Variants in THRB observed in about 807,000 individuals in gnomAD.
THRB encodes the protein thyroid hormone receptor beta.
Under a neutral mutation model 47.8 loss-of-function variants are expected in THRB, and 12 were observed. That is an observed-to-expected ratio of 0.25 (90% CI 0.16 to 0.41). The LOEUF is 0.41. THRB is among the 10% of genes least tolerant of loss of function. The pLI, the probability that THRB is intolerant of heterozygous loss-of-function variation, is 1.00. For missense variants in THRB, 348 were observed against 589.2 expected (o/e 0.59, Z 4.24); for synonymous variants, 218 against 212.2 (o/e 1.03, Z -0.24).
intron 1 of THRB, among the ~76,000 whole-genome samples, chr3:24,363,212 G>A (rs1431750096): frequency 3.3e-5 from 5 of 152,008 alleles, no homozygotes; most frequent in Non-Finnish European, 5.9e-5. Flanking sequence ...ATCTTAAATC[G>A]CCTAAGACAT....
chr3:24,402,093 G>A (rs912891997), intron 1 of THRB, among the ~76,000 whole-genome samples: 1 of 151,998 alleles, frequency 6.6e-6, no homozygotes, highest in Non-Finnish European at 1.5e-5. Flanking sequence ...CAGGTTTTTA[G>A]AAAACAGAGC....
chr3:24,237,447 C>T (rs192577783), intron 3 of THRB, among the ~76,000 whole-genome samples: 7 of 152,266 alleles, frequency 4.6e-5, no homozygotes, highest in Admixed American at 4.6e-4. Flanking sequence ...CCCACTCTCT[C>T]AACTCCAGTT....
chr3:24,474,006 T>C (rs1695086939), intron 1 of THRB, among the ~76,000 whole-genome samples: 1 of 152,104 alleles, frequency 6.6e-6, no homozygotes, highest in Non-Finnish European at 1.5e-5. Flanking sequence ...AAATACCTAA[T>C]GTAGATGACG....
Position 24,446,622 on chromosome 3 carries a change from G to A in THRB, c.-261+48030C>T, listed in dbSNP as rs114255654. Among the ~76,000 whole-genome samples, 1,360 of 151,524 alleles carry A rather than the reference G, an allele frequency of 9.0e-3. 24 individuals carry two copies. Among genetic ancestry groups the A allele is most frequent in the African/African-American group, 0.032 (1,302 of 41,276 alleles). On this transcript the variant is annotated intron_variant, in intron 1 of 10. Coordinates refer to ENST00000646209, the MANE Select transcript of THRB (RefSeq NM_001354712.2). ...TGAAAATTCCTGCAATGCCTACTGT[G>A]ACAGTGACATCAGAAGTCTATTTGT...
chr3:24,272,759 A>G (rs2053486777), intron 3 of THRB, among the ~76,000 whole-genome samples: 1 of 152,072 alleles, frequency 6.6e-6, no homozygotes, highest in Admixed American at 6.5e-5. Context: ...TTTTGTTGTG[A>G]CCATATAAAT....
chr3:24,399,611 G>C (rs796537923), intron 1 of THRB, among the ~76,000 whole-genome samples: 21 of 152,184 alleles, frequency 1.4e-4, no homozygotes, highest in African/African-American at 5.1e-4. Context: ...GCACGGGTCT[G>C]TGTAACCCTC....
intron 1 of THRB, among the ~76,000 whole-genome samples, chr3:24,407,792 CTT>C (rs917667242): frequency 1.3e-5 from 2 of 151,860 alleles, no homozygotes; most frequent in African/African-American, 4.8e-5. Context: ...TTACTTTTCT[CTT>C]TACTCTTGTC....
In THRB at chr3:24,123,060, C is replaced by A; in HGVS notation, c.1210G>T (p.Glu404Ter). 6.2e-7 allele frequency: 1 copy of A among 1,614,154 alleles called. No homozygotes were observed. Among genetic ancestry groups the A allele is most frequent in the South Asian group, 1.1e-5 (1 of 91,078 alleles). The part of the protein sequence containing the change: ...KYQDSFLLAF[E>*]HYINYRKHHV... ...TGTTTTCGGTAATTGATATAGTGTTCAAAGGCCAGCAGGAAACTATCTTGG... is the reference window on the plus strand; with the variant it reads ...TGTTTTCGGTAATTGATATAGTGTTAAAAGGCCAGCAGGAAACTATCTTGG... The change falls in exon 11 of 11, where the codon GAA (glutamate) becomes TAA (stop). Residue 404 changes from glutamate to a stop codon, truncating the protein, a stop_gained. Transcript: ENST00000646209. LOFTEE classifies it high-confidence loss of function.
Position 24,468,057 on chromosome 3 carries a change from A to G in THRB, c.-261+26595T>C, listed in dbSNP as rs538826098. ...CTGGATAATTTGCTGCAGTTTCCAC[A>G]TAGGCACTGGTGCTTCATCTTGTAC... On this transcript the variant is annotated intron_variant, in intron 1 of 10. Coordinates refer to ENST00000646209, the MANE Select transcript of THRB (RefSeq NM_001354712.2). 7.9e-5 allele frequency among the ~76,000 whole-genome samples: 12 copies of G among 152,322 alleles called. No individual in the cohort carries two copies. In the East Asian group the frequency reaches 2.3e-3, roughly 29 times the overall value.
intron 5 of THRB, among the ~76,000 whole-genome samples, chr3:24,181,601 G>C (rs1054958298): frequency 5.3e-5 from 8 of 152,188 alleles, no homozygotes; most frequent in Non-Finnish European, 1.2e-4. Context: ...CTCAGGGTCA[G>C]CCCTTGACAA....
intron 4 of THRB, among the ~76,000 whole-genome samples, chr3:24,217,370 C>T (rs572368416): frequency 5.3e-5 from 8 of 152,044 alleles, no homozygotes; most frequent in African/African-American, 9.6e-5. Flanking sequence ...ATCTGTATAG[C>T]GTGGGAACAT....
At chr3:24,214,670 A>T (rs569235816) in intron 4 of THRB, among the ~76,000 whole-genome samples, 8 of 152,120 alleles carry the variant, frequency 5.3e-5, no homozygotes, top group Non-Finnish European at 1.2e-4. Context: ...TCTGTCAGTG[A>T]GTAGGAGGGG....
rs2068827937 is a variant in THRB, at chr3:24,417,181, CT to C, written c.-261+77470del. Among the ~76,000 whole-genome samples the C allele has an allele frequency of 2.0e-5, 3 of 151,588 alleles. No homozygotes were observed. The South Asian group carries it at 6.2e-4, about 31-fold the overall frequency. ...CTGCTTTATCTGACTGGATGCCCCC[CT>C]ATTAGTAAAGCACATTTTCTACAGC... On this transcript the variant is annotated intron_variant, in intron 1 of 10. Coordinates refer to ENST00000646209, the MANE Select transcript of THRB (RefSeq NM_001354712.2).
intron 1 of THRB, among the ~76,000 whole-genome samples, chr3:24,435,168 G>T (rs1005617444): frequency 6.6e-6 from 1 of 152,130 alleles, no homozygotes; most frequent in Non-Finnish European, 1.5e-5. Flanking sequence ...CTGATTAGGT[G>T]TATGGCAGCA....
intron 1 of THRB, among the ~76,000 whole-genome samples, chr3:24,413,631 A>G (rs1319677836): frequency 1.3e-5 from 2 of 151,490 alleles, no homozygotes; most frequent in African/African-American, 4.8e-5. Flanking sequence ...GGTTTGTTAC[A>G]TATGTATACA....
At chr3:24,168,271 A>G (rs1410041521) in intron 5 of THRB, among the ~76,000 whole-genome samples, 2 of 152,108 alleles carry the variant, frequency 1.3e-5, no homozygotes, top group African/African-American at 4.8e-5. Context: ...CCTGTGATTC[A>G]GTCTTGCATG....
At chr3:24,383,325 T>C (rs1429489224) in intron 1 of THRB, among the ~76,000 whole-genome samples, 1 of 152,128 alleles carries the variant, frequency 6.6e-6, no homozygotes, top group Non-Finnish European at 1.5e-5. Flanking sequence ...CATATATCCA[T>C]CCATTCTTTA....
Position 24,229,009 on chromosome 3 carries a change from G to GGA in THRB, c.-42-9_-42-8insTC, listed in dbSNP as rs1553655389. 7 of 1,478,050 alleles carry GGA rather than the reference G, an allele frequency of 4.7e-6. No homozygotes were observed. The highest frequency in any genetic ancestry group is 6.6e-6 in the Non-Finnish European group (7 of 1,058,442). The allele number at this position is 1,478,050 out of a possible 1,614,324, so 91.6% of individuals were successfully genotyped here. On this transcript the variant is annotated splice_polypyrimidine_tract_variant and intron_variant, in intron 3 of 10. Transcript: ENST00000646209. ...TTTTTTCACTGACATCTCCTACAAGGAAAAAATACAAAAAAAATCACAGAT... is the reference window on the plus strand; with the variant it reads ...TTTTTTCACTGACATCTCCTACAAGGGAAAAAAATACAAAAAAAATCACAGAT...
intron 1 of THRB, among the ~76,000 whole-genome samples, chr3:24,483,756 A>G (rs143805632): frequency 9.1e-4 from 139 of 152,366 alleles, no homozygotes; most frequent in Middle Eastern, 3.4e-3. Flanking sequence ...ACCTCATTGA[A>G]TTAAAAAATA....
Sources: allele counts gnomAD v4.1 joint callset (sites outside exome capture counted in the v4.1 genomes callset), GRCh38; gene constraint gnomAD v4.1.1; transcripts MANE v1.5; gene names NCBI Gene and HGNC (gene_info 2026-07-23, HGNC 2026-07-21).